The following BLTP1 variants were observed in gnomAD, a reference collection of about 807,000 sequenced individuals.
BLTP1 encodes the protein fragile site-associated protein.
the BLTP1 span, among the ~76,000 whole-genome samples, chr4:122,184,029 A>T: frequency 6.6e-6 from 1 of 152,114 alleles, no homozygotes; most frequent in African/African-American, 2.4e-5. Context: ...ATATTTTTTT[A>T]AAAAAGAAAA....
At chr4:122,272,204 A>G in the BLTP1 span, 1 of 1,613,276 alleles carries the variant, frequency 6.2e-7, no homozygotes, top group Non-Finnish European at 8.5e-7. Flanking sequence ...TGTGTTTGAG[A>G]ATGAACAAGA....
the BLTP1 span, among the ~76,000 whole-genome samples, chr4:122,183,715 G>A: frequency 1.3e-3 from 201 of 152,198 alleles, no homozygotes; most frequent in Admixed American, 2.4e-3. Context: ...AGTTGATGAG[G>A]GGTTTTGAGA....
At chr4:122,251,612 C>T in the BLTP1 span, 3 of 984,822 alleles carry the variant, frequency 3.0e-6, no homozygotes, top group African/African-American at 5.2e-5. Flanking sequence ...CTGTTCTTTC[C>T]TTCTCCTTCA....
At chr4:122,289,463 C>T in the BLTP1 span, 20 of 977,140 alleles carry the variant, frequency 2.0e-5, no homozygotes, top group Non-Finnish European at 2.4e-5. Flanking sequence ...TACAGTATGT[C>T]TATTAACCAA....
chr4:122,176,164 G>C, the BLTP1 span, among the ~76,000 whole-genome samples: 4 of 152,056 alleles, frequency 2.6e-5, no homozygotes, highest in South Asian at 8.3e-4. Context: ...TTAGCTGGGC[G>C]TGGTGGTGGG....
At chr4:122,354,672 T>C in the BLTP1 span, among the ~76,000 whole-genome samples, 7 of 150,032 alleles carry the variant, frequency 4.7e-5, no homozygotes, top group African/African-American at 1.7e-4. Flanking sequence ...TTCTTTTCTT[T>C]TTTTTTTTTT....
the BLTP1 span, chr4:122,348,722 G>C: frequency 6.4e-7 from 1 of 1,561,304 alleles, no homozygotes; most frequent in Non-Finnish European, 8.7e-7. Flanking sequence ...TACAACGTAA[G>C]CTATTCAGAT....
the BLTP1 span, among the ~76,000 whole-genome samples, chr4:122,202,795 T>G: frequency 6.6e-6 from 1 of 152,178 alleles, no homozygotes; most frequent in African/African-American, 2.4e-5. Context: ...AACAGCTAAG[T>G]ACACATTTCC....
At chr4:122,164,924 A>G in the BLTP1 span, among the ~76,000 whole-genome samples, 1 of 152,170 alleles carries the variant, frequency 6.6e-6, no homozygotes, top group Non-Finnish European at 1.5e-5. Flanking sequence ...AATTATTTAG[A>G]CCATATTCCA....
the BLTP1 span, among the ~76,000 whole-genome samples, chr4:122,179,585 G>A: frequency 0.037 from 5,603 of 152,010 alleles, 357 homozygotes; most frequent in East Asian, 0.23. Context: ...TTCATCCTCC[G>A]TACCTGTACC....
the BLTP1 span, chr4:122,362,413 A>G: frequency 7.4e-6 from 4 of 539,912 alleles, no homozygotes; most frequent in Non-Finnish European, 1.3e-5. Flanking sequence ...TTCTGTGTAC[A>G]GTGAAGTATT....
chr4:122,281,686 G>T, the BLTP1 span: 1 of 1,613,010 alleles, frequency 6.2e-7, no homozygotes, highest in African/African-American at 1.3e-5. Flanking sequence ...TCAGTGCCAT[G>T]TTAGATGGTA....
the BLTP1 span, chr4:122,343,282 A>C: frequency 1.7e-6 from 2 of 1,204,330 alleles, no homozygotes; most frequent in East Asian, 5.0e-5. Context: ...TTGATCTGTT[A>C]AATCTATTGA....
At chr4:122,185,339 G>A in the BLTP1 span, 5 of 983,992 alleles carry the variant, frequency 5.1e-6, no homozygotes, top group Non-Finnish European at 6.0e-6. Flanking sequence ...AGAAAACATG[G>A]TAGTTCTTTC....
chr4:122,277,998 T>G, the BLTP1 span, among the ~76,000 whole-genome samples: 1 of 152,246 alleles, frequency 6.6e-6, no homozygotes, highest in Non-Finnish European at 1.5e-5. Flanking sequence ...CTTCTATAGA[T>G]TCTTCCTATT....
the BLTP1 span, among the ~76,000 whole-genome samples, chr4:122,295,557 A>C: frequency 6.6e-6 from 1 of 152,168 alleles, no homozygotes; most frequent in Non-Finnish European, 1.5e-5. Context: ...TATTCCAAAA[A>C]AATGAAAAGG....
chr4:122,318,253 C>T, the BLTP1 span: 2 of 1,609,920 alleles, frequency 1.2e-6, no homozygotes. Flanking sequence ...TAAAAAATTA[C>T]GGAGGTCCAG....
At chr4:122,273,364 C>T in the BLTP1 span, 1 of 984,640 alleles carries the variant, frequency 1.0e-6, no homozygotes, top group Non-Finnish European at 1.2e-6. Flanking sequence ...ACACACGGTT[C>T]TCTGAAAAAA....
At chr4:122,173,057 G>C in the BLTP1 span, 1 of 1,612,860 alleles carries the variant, frequency 6.2e-7, no homozygotes, top group Non-Finnish European at 8.5e-7. Context: ...TCCTGTGGAT[G>C]GATTATTTAC....
Sources: allele counts gnomAD v4.1 joint callset (sites outside exome capture counted in the v4.1 genomes callset), GRCh38; gene constraint gnomAD v4.1.1; transcripts MANE v1.5; gene names NCBI Gene and HGNC (gene_info 2026-07-23, HGNC 2026-07-21).